MGST1: variants seen among roughly 807,000 people sequenced by gnomAD.
MGST1 encodes the protein glutathione S-transferase 12.
A neutral mutation model predicts 8.9 loss-of-function variants in MGST1; 5 were observed. The observed-to-expected ratio is 0.56, with a 90% CI of 0.29 to 1.19. The LOEUF (loss-of-function observed/expected upper bound fraction) is 1.19, where lower values mean the gene tolerates loss of function less well. MGST1 is among the 50% of genes most tolerant of loss of function. The pLI, the probability that MGST1 is intolerant of heterozygous loss-of-function variation, is 0.08. For synonymous variants in MGST1, 54 were observed against 67.8 expected (o/e 0.80, Z 1.00); for missense variants, 182 against 187.4 (o/e 0.97, Z 0.17).
chr12:16,526,269 G>T (rs1266231258), intron 4 of MGST1, among the ~76,000 whole-genome samples: 3 of 151,844 alleles, frequency 2.0e-5, no homozygotes, highest in Non-Finnish European at 4.4e-5. Flanking sequence ...AGGGTTTTTA[G>T]GAACCCATTT....
chr12:16,464,858 C>T (rs1211781222), intron 4 of MGST1, among the ~76,000 whole-genome samples: 1 of 152,208 alleles, frequency 6.6e-6, no homozygotes, highest in African/African-American at 2.4e-5. Context: ...AACTTATACA[C>T]ATAACGCCAG....
chr12:16,572,245 A>G (rs1248500855), intron 4 of MGST1, among the ~76,000 whole-genome samples: 1 of 151,916 alleles, frequency 6.6e-6, no homozygotes, highest in Non-Finnish European at 1.5e-5. Flanking sequence ...CTACAGAAGG[A>G]ATTACAATAA....
intron 1 of MGST1, among the ~76,000 whole-genome samples, chr12:16,422,200 T>C (rs1940844130): frequency 6.6e-6 from 1 of 152,234 alleles, no homozygotes; most frequent in South Asian, 2.1e-4. Context: ...ACATGTGCTC[T>C]CTTTCAGCCC....
At chr12:16,352,409 G>A (rs1042767341) in intron 1 of MGST1, among the ~76,000 whole-genome samples, 1 of 152,114 alleles carries the variant, frequency 6.6e-6, no homozygotes, top group Non-Finnish European at 1.5e-5. Flanking sequence ...TTTAAAGGCA[G>A]GAATGAACAT....
rs1447897358 is a variant in MGST1, at chr12:16,493,468, C to G, written n.483-96060C>G. On this transcript the variant is annotated intron_variant and non_coding_transcript_variant, in intron 4 of 4. Transcript: ENST00000538857. ...ATAGGGAAGAAGTATAACAGACTCT[C>G]CAAGTAATTCTGATGCATTAAAGGT... 3.3e-5 allele frequency among the ~76,000 whole-genome samples: 5 copies of G among 152,204 alleles called. 1 individual carries two copies. In the East Asian group the frequency reaches 7.7e-4, roughly 24 times the overall value.
downstream of MGST1, among the ~76,000 whole-genome samples, chr12:16,366,849 GTATCTAT>G (rs1167989442): frequency 6.6e-6 from 1 of 152,096 alleles, no homozygotes; most frequent in Non-Finnish European, 1.5e-5. The surrounding 1 kb of genome is among the most constrained non-coding windows in gnomAD (Gnocchi z 4.0). Flanking sequence ...ATATTTATCT[GTATCTAT>G]TATAGAGTCA....
At chr12:16,357,767 G>A (rs1249690331) in intron 3 of MGST1, 68 bp downstream of exon 3, 3 of 1,298,440 alleles carry the variant, frequency 2.3e-6, no homozygotes, top group Non-Finnish European at 3.3e-6. Flanking sequence ...CAGTGAAGAT[G>A]TCTCAGGGTC....
At chr12:16,480,451 T>G (rs754252374) in intron 4 of MGST1, among the ~76,000 whole-genome samples, 11 of 152,190 alleles carry the variant, frequency 7.2e-5, no homozygotes, top group Non-Finnish European at 1.3e-4. Context: ...AGAAATTTGC[T>G]TTTTAAAAGA....
At chr12:16,467,577 A>T (rs1002539709) in intron 4 of MGST1, among the ~76,000 whole-genome samples, 1 of 152,216 alleles carries the variant, frequency 6.6e-6, no homozygotes, top group Non-Finnish European at 1.5e-5. Flanking sequence ...TTTGTTTTCA[A>T]TAGTCAGATG....
At chr12:16,395,289 C>T (rs905862217) in intron 1 of MGST1, among the ~76,000 whole-genome samples, 3 of 152,056 alleles carry the variant, frequency 2.0e-5, no homozygotes, top group African/African-American at 4.8e-5. Context: ...AAACCTCTGC[C>T]ATATGTGAAG....
chr12:16,480,355 A>T (rs1941356500), intron 4 of MGST1, among the ~76,000 whole-genome samples: 1 of 151,740 alleles, frequency 6.6e-6, no homozygotes, highest in African/African-American at 2.4e-5. Flanking sequence ...GTTGGCCAGG[A>T]TGGTCTCGAT....
At chr12:16,469,378 A>G (rs758335700) in intron 4 of MGST1, among the ~76,000 whole-genome samples, 2 of 151,866 alleles carry the variant, frequency 1.3e-5, no homozygotes. Context: ...TAGTAGAGAC[A>G]AGGTTTCACC....
intron 1 of MGST1, among the ~76,000 whole-genome samples, chr12:16,351,791 C>G (rs960084061): frequency 6.6e-6 from 1 of 152,068 alleles, no homozygotes; most frequent in Non-Finnish European, 1.5e-5. Context: ...GCCTGGGCGA[C>G]AGAGTGAGAC....
intron 4 of MGST1, among the ~76,000 whole-genome samples, chr12:16,556,159 C>T (rs1200873771): frequency 2.6e-5 from 4 of 152,102 alleles, no homozygotes; most frequent in Admixed American, 6.6e-5. Flanking sequence ...GGGAAAATTT[C>T]ATCACAAGCT....
chr12:16,414,954 G>A (rs1318157348), intron 1 of MGST1, among the ~76,000 whole-genome samples: 1 of 152,054 alleles, frequency 6.6e-6, no homozygotes, highest in Non-Finnish European at 1.5e-5. Context: ...AACCTAGGAG[G>A]CGGAGGTTGC....
intron 4 of MGST1, among the ~76,000 whole-genome samples, chr12:16,445,669 C>T (rs754014617): frequency 3.3e-5 from 5 of 151,824 alleles, no homozygotes; most frequent in African/African-American, 7.2e-5. Context: ...ATGCCAGGTA[C>T]CTGAGGTCAT....
At chr12:16,462,446 A>T (rs1941227738) in intron 4 of MGST1, among the ~76,000 whole-genome samples, 1 of 152,090 alleles carries the variant, frequency 6.6e-6, no homozygotes, top group South Asian at 2.1e-4. Context: ...AGTACATAAG[A>T]TAAAATAAAT....
Position 16,357,104 on chromosome 12 carries a change from C to T in MGST1, c.127-501C>T, listed in dbSNP as rs9332913. On this transcript the variant is annotated intron_variant, in intron 2 of 3. Transcript: ENST00000396210. ...TTATGCTTCTCTTTTTACAACTTTG[C>T]ATTGTTAATAAAAATTCAGTTTTAA... is the stretch of plus-strand genomic sequence containing the variant. 3.3e-3 allele frequency among the ~76,000 whole-genome samples: 499 copies of T among 152,258 alleles called. 1 individual carries two copies. The highest frequency in any genetic ancestry group is 0.011 in the African/African-American group (474 of 41,542).
intron 4 of MGST1, among the ~76,000 whole-genome samples, chr12:16,481,423 G>T (rs1005764769): frequency 6.6e-6 from 1 of 152,154 alleles, no homozygotes; most frequent in Admixed American, 6.5e-5. Flanking sequence ...TGTTGGAATT[G>T]TCAAATATTT....
Sources: allele counts gnomAD v4.1 joint callset (sites outside exome capture counted in the v4.1 genomes callset), GRCh38; gene constraint gnomAD v4.1.1; non-coding constraint Gnocchi (gnomAD v3.1); transcripts MANE v1.5; gene names NCBI Gene and HGNC (gene_info 2026-07-23, HGNC 2026-07-21).